The following CHDH variants were observed in gnomAD, a reference collection of about 807,000 sequenced individuals.
The protein encoded by CHDH is choline dehydrogenase, also known as choline dehydrogenase, mitochondrial.
A neutral mutation model predicts 56.9 loss-of-function variants in CHDH; 43 were observed. That is an observed-to-expected ratio of 0.76 (90% CI 0.59 to 0.97). The LOEUF (loss-of-function observed/expected upper bound fraction) is 0.97, where lower values mean the gene tolerates loss of function less well. Ranked by LOEUF, CHDH falls within the 50% of genes least tolerant of loss-of-function variation. The pLI, the probability that CHDH is intolerant of heterozygous loss-of-function variation, is 0.00. For missense variants in CHDH, 816 were observed against 821.1 expected (o/e 0.99, Z 0.08); for synonymous variants, 364 against 348.5 (o/e 1.04, Z -0.50).
Position 53,820,755 on chromosome 3 carries a change from G to A in CHDH, c.986-147C>T, listed in dbSNP as rs1173173910. ...GTTCCCTGGTCTCAGCTTAAAGGCT[G>A]CCTCCCAGAGACACTATGTGTGCAC... On this transcript the variant is annotated intron_variant, in intron 5 of 8. Transcript: ENST00000315251. 5.8e-6 allele frequency: 6 copies of A among 1,036,192 alleles called. No individual in the cohort carries two copies. In the East Asian group the frequency reaches 1.3e-4, roughly 22 times the overall value. The allele number at this position is 1,036,192 out of a possible 1,614,324, so 64.2% of individuals were successfully genotyped here. A position where few individuals can be genotyped will look rare whatever the true frequency, so the allele number is the denominator to read the frequency against.
rs769346079 is a variant in CHDH at position 53,823,850 on chromosome 3, G to A, written c.159C>T (p.Cys53=). 1.4e-5 allele frequency: 22 copies of A among 1,585,776 alleles called. No homozygotes were observed. The highest frequency in any genetic ancestry group is 1.2e-4 in the South Asian group (11 of 89,514). Residue 53 remains cysteine, a synonymous_variant, in exon 3 of 9, where the codon TGC becomes TGT. Transcript: ENST00000315251. ...YVVVGAGSAG[C]VLAGRLTEDP... Reference sequence around the variant, plus strand: ...CCTCCGTGAGCCTCCCAGCCAGCACGCAGCCCGCCGAGCCCGCGCCCACCA... The same window carrying A: ...CCTCCGTGAGCCTCCCAGCCAGCACACAGCCCGCCGAGCCCGCGCCCACCA...
At chr3:53,845,312 A>G (rs1698828037) in intron 1 of CHDH, among the ~76,000 whole-genome samples, 1 of 152,208 alleles carries the variant, frequency 6.6e-6, no homozygotes, top group South Asian at 2.1e-4. Context: ...CCTGGCACAC[A>G]AGTAGGGCCT....
chr3:53,844,860 A>G (rs1698804111), intron 1 of CHDH: 2 of 152,306 alleles, frequency 1.3e-5, no homozygotes, highest in Non-Finnish European at 2.9e-5. Context: ...CCTCAGCACC[A>G]TGGGACAAAG....
At chr3:53,824,505 A>ACAT (rs1357904334) in intron 2 of CHDH, among the ~76,000 whole-genome samples, 1 of 152,242 alleles carries the variant, frequency 6.6e-6, no homozygotes, top group African/African-American at 2.4e-5. Context: ...ACACAGAAAG[A>ACAT]CATCTGCTCT....
At position 53,819,006 on chromosome 3, in the gene CHDH, C is replaced by T; in HGVS notation, c.1298G>A (p.Gly433Asp). The change falls in exon 8 of 9, where the codon GGC (glycine) becomes GAC (aspartate). Residue 433 changes from glycine (G) to aspartate (D), a missense_variant. By Grantham distance (94) the Gly-to-Asp change is moderately conservative (BLOSUM62 -1). Transcript: ENST00000315251. The surrounding 1 kb of genome is among the most constrained non-coding windows in gnomAD (Gnocchi z 5.4). ...HVGPMRGTSV[G>D]WLKLRSANPQ... is the part of the protein sequence containing the mutation. ...ATTGGCACTTCTCAGTTTGAGCCAG[C>T]CCACACTCGTGCCCCGCATGGGCCC... 1 of 1,613,794 alleles carries T rather than the reference C, an allele frequency of 6.2e-7. No homozygotes were observed. The highest frequency in any genetic ancestry group is 1.3e-5 in the African/African-American group (1 of 75,034).
At position 53,823,603 on chromosome 3, in the gene CHDH, C is replaced by CA; in HGVS notation, c.405dup (p.Ala136CysfsTer99). On this transcript the variant is annotated frameshift_variant, in exon 3 of 9. Transcript: ENST00000315251. LOFTEE classifies it high-confidence loss of function. ...GCGTGCCCACGGACGTAGACCATGG[C>CA]ATTGAGGGATGAGGAGCCACCCCAG... 2 of 1,543,944 alleles carry CA rather than the reference C, an allele frequency of 1.3e-6. No individual in the cohort carries two copies. Among genetic ancestry groups the CA allele is most frequent in the Non-Finnish European group, 1.7e-6 (2 of 1,146,346 alleles).
At position 53,819,819 on chromosome 3, in the gene CHDH, C is replaced by T. The variant is rs948427946; in HGVS notation, c.1121-145G>A. 5 of 939,462 alleles carry T rather than the reference C, an allele frequency of 5.3e-6. No individual in the cohort carries two copies. The highest frequency in any genetic ancestry group is 2.9e-5 in the East Asian group (1 of 35,050). The allele number at this position is 939,462 out of a possible 1,614,324, so 58.2% of individuals were successfully genotyped here. A position where few individuals can be genotyped will look rare whatever the true frequency, so the allele number is the denominator to read the frequency against. ...AGTGCCTGGACCCAAGTCCTGTCCA[C>T]ATCTGTTCACCCCTCACAGGGGGCT... On this transcript the variant is annotated intron_variant, in intron 6 of 8. Coordinates refer to ENST00000315251, the MANE Select transcript of CHDH (RefSeq NM_018397.5). The surrounding 1 kb of genome is among the most constrained non-coding windows in gnomAD (Gnocchi z 5.4).
rs2095618160 is a variant in CHDH at position 53,817,661 on chromosome 3, A to G, written c.*116T>C. On this transcript the variant is annotated 3_prime_UTR_variant, in exon 9 of 9. Coordinates refer to ENST00000315251, the MANE Select transcript of CHDH (RefSeq NM_018397.5). ...CCAATTCTCAGCCACTGAGTAGGGT[A>G]CCACCTGGGTCCTAGTGTGCTAGAT... The G allele has an allele frequency of 1.3e-6, 1 of 798,794 alleles. No homozygotes were observed. Among genetic ancestry groups the G allele is most frequent in the Non-Finnish European group, 2.0e-6 (1 of 512,598 alleles). 49.5% of individuals were successfully genotyped at this position (798,794 alleles called of 1,614,324 possible).
chr3:53,829,463 T>TG (rs1018009994), intron 2 of CHDH, among the ~76,000 whole-genome samples: 7 of 152,236 alleles, frequency 4.6e-5, no homozygotes, highest in African/African-American at 1.7e-4. Context: ...ATGTTGTTAA[T>TG]GGGAGGATTA....
At position 53,846,338 on chromosome 3, in the gene CHDH, G is replaced by A; in HGVS notation, c.-386C>T. On this transcript the variant is annotated 5_prime_UTR_variant, in exon 1 of 9. Transcript: ENST00000315251. ...CCTGGCTCACTGCATGCACGTGTGC[G>A]CGGGGGTAGGCGCGCGCCGCGGCGG... The A allele has an allele frequency of 2.2e-6, 1 of 445,556 alleles. No individual in the cohort carries two copies. The allele number at this position is 445,556 out of a possible 1,614,324, so 27.6% of individuals were successfully genotyped here. A position where few individuals can be genotyped will look rare whatever the true frequency, so the allele number is the denominator to read the frequency against.
At chr3:53,823,247 A>G in intron 3 of CHDH, 59 bp downstream of exon 3, 4 of 1,409,444 alleles carry the variant, frequency 2.8e-6, no homozygotes, top group Non-Finnish European at 3.7e-6. Context: ...ACGGGCCAAG[A>G]TGGGTGGGGG....
intron 2 of CHDH, among the ~76,000 whole-genome samples, chr3:53,833,395 C>G (rs1226752745): frequency 6.6e-6 from 1 of 152,206 alleles, no homozygotes; most frequent in Non-Finnish European, 1.5e-5. Flanking sequence ...TCCTTGAGGA[C>G]AGGGACTCCT....
Position 53,823,335 on chromosome 3 carries a change from A to C in CHDH, c.674T>G (p.Phe225Cys), listed in dbSNP as rs1187583593. ...EDMNGFQQEGFGWMDMTIHEG... is the reference protein window; with the variant it reads ...EDMNGFQQEGCGWMDMTIHEG... The stretch of plus-strand genomic sequence containing the variant: ...ATGGATGGTCATGTCCATCCAGCCG[A>C]AGCCCTCCTGCTGGAAGCCATTCAT... The change falls in exon 3 of 9, where the codon TTC becomes TGC. Residue 225 changes from phenylalanine (F) to cysteine (C), a missense_variant. Coordinates refer to ENST00000315251, the MANE Select transcript of CHDH (RefSeq NM_018397.5). The C allele has an allele frequency of 1.3e-6, 2 of 1,589,232 alleles. No homozygotes were observed. The highest frequency in any genetic ancestry group is 1.1e-5 in the South Asian group (1 of 88,136).
intron 2 of CHDH, among the ~76,000 whole-genome samples, chr3:53,824,498 C>T (rs2095635323): frequency 6.6e-6 from 1 of 152,220 alleles, no homozygotes; most frequent in African/African-American, 2.4e-5. Flanking sequence ...CAGCAATACA[C>T]AGAAAGACAT....
chr3:53,818,181 C>G lies in CHDH; in HGVS notation c.1381G>C (p.Asp461His), dbSNP rs774091035. ...NYLSTETDIE[D>H]FRLCVKLTRE... ...GTGAGCTTCACACACAGACGGAAAT[C>G]CTCAATATCAGTTTCTGTCGAGGAG... The change falls in exon 9 of 9, where the codon GAT (aspartate) becomes CAT (histidine). Residue 461 changes from aspartate (D) to histidine (H), a missense_variant. Transcript: ENST00000315251. The G allele has an allele frequency of 1.9e-6, 3 of 1,606,332 alleles. No individual in the cohort carries two copies. In the Admixed American group the frequency reaches 5.1e-5, roughly 27 times the overall value.
At chr3:53,829,206 G>C (rs561043787) in intron 2 of CHDH, among the ~76,000 whole-genome samples, 1 of 152,266 alleles carries the variant, frequency 6.6e-6, no homozygotes, top group East Asian at 1.9e-4. Flanking sequence ...GCAAAACTAT[G>C]GAGACAGTAA....
At chr3:53,831,222 T>C (rs1316726146) in intron 2 of CHDH, among the ~76,000 whole-genome samples, 1 of 152,240 alleles carries the variant, frequency 6.6e-6, no homozygotes, top group Non-Finnish European at 1.5e-5. Flanking sequence ...TCACATGGTG[T>C]GAGTGCCAGC....
rs373440022 is a variant in CHDH at position 53,823,819 on chromosome 3, C to T, written c.190G>A (p.Ala64Thr). 15 of 1,585,062 alleles carry T rather than the reference C, an allele frequency of 9.5e-6. No homozygotes were observed. The highest frequency in any genetic ancestry group is 1.1e-5 in the South Asian group (1 of 88,884). Residue 64 changes from alanine (A) to threonine (T), a missense_variant, in exon 3 of 9, where the codon GCC becomes ACC. Physicochemically the swap from Ala to Thr is moderately conservative, Grantham distance 58 (BLOSUM62 0). Transcript: ENST00000315251. ...VLAGRLTEDP[A>T]ERVLLLEAGP... ...GCCTCCAGCAGCAGCACGCGCTCGG[C>T]GGGGTCCTCCGTGAGCCTCCCAGCC...
intron 1 of CHDH, among the ~76,000 whole-genome samples, chr3:53,841,596 C>T (rs899519472): frequency 1.3e-5 from 2 of 152,228 alleles, no homozygotes; most frequent in Non-Finnish European, 2.9e-5. Flanking sequence ...ACTGCTGTTT[C>T]CTCTTCAGAC....
Sources: allele counts gnomAD v4.1 joint callset (sites outside exome capture counted in the v4.1 genomes callset), GRCh38; gene constraint gnomAD v4.1.1; non-coding constraint Gnocchi (gnomAD v3.1); transcripts MANE v1.5; gene names NCBI Gene and HGNC (gene_info 2026-07-23, HGNC 2026-07-21).